Variants in ABTB2 observed in about 807,000 individuals in gnomAD.
ABTB2 encodes ankyrin repeat and BTB/POZ domain-containing protein 2.
A neutral mutation model predicts 104.1 loss-of-function variants in ABTB2; 56 were observed. The ratio of observed to expected loss-of-function variants is 0.54; its 90% CI spans 0.43 to 0.67. The LOEUF (loss-of-function observed/expected upper bound fraction) is 0.67. ABTB2 is among the 30% of genes least tolerant of loss of function. The probability of loss-of-function intolerance (pLI) is 0.00; values close to 1 mark genes in which losing one functional copy is unlikely to be tolerated. For missense variants in ABTB2, 1,279 were observed against 1,407.7 expected (o/e 0.91, Z 1.46); for synonymous variants, 606 against 608.2 (o/e 1.00, Z 0.05).
Position 34,356,359 on chromosome 11 carries a change from C to T in ABTB2, c.883+342G>A, listed in dbSNP as rs1855464348. Among the ~76,000 whole-genome samples, 1 of 152,202 alleles carries T rather than the reference C, an allele frequency of 6.6e-6. No homozygotes were observed. Among genetic ancestry groups the T allele is most frequent in the African/African-American group, 2.4e-5 (1 of 41,438 alleles). On this transcript the variant is annotated intron_variant, in intron 1 of 16. Transcript: ENST00000435224. The surrounding 1 kb of genome is among the most constrained non-coding windows in gnomAD (Gnocchi z 4.6). The stretch of plus-strand genomic sequence containing the variant: ...GACAGCAGCTAGAGACCTAGTCAAT[C>T]ACGGTAAAGAGCCACGGGGCAGTAA...
chr11:34,240,147 G>A (rs2133062609), intron 1 of ABTB2, among the ~76,000 whole-genome samples: 1 of 152,304 alleles, frequency 6.6e-6, no homozygotes, highest in Admixed American at 6.5e-5. Context: ...TCTGAGAACA[G>A]ATGAGAAGAA....
chr11:34,234,575 T>C (rs1467361497), intron 1 of ABTB2, among the ~76,000 whole-genome samples: 1 of 152,216 alleles, frequency 6.6e-6, no homozygotes, highest in Non-Finnish European at 1.5e-5. Flanking sequence ...AAGTCCAGCA[T>C]TGTGAGAACA....
rs374304026 is a variant in ABTB2, at chr11:34,331,002, T to C, written c.883+25699A>G. 6.8e-4 allele frequency among the ~76,000 whole-genome samples: 104 copies of C among 152,348 alleles called. 1 individual carries two copies. The South Asian group carries it at 0.021, about 31-fold the overall frequency. ...AATGAGAAATTTCAGTTGCTGAGCT[T>C]GGCAGCAGAGATTTCCAAGAAATCC... On this transcript the variant is annotated intron_variant, in intron 1 of 16. Transcript: ENST00000435224.
In ABTB2 at chr11:34,204,926, C is replaced by T. The variant is rs140318488; in HGVS notation, c.884-236G>A. 3.6e-4 allele frequency among the ~76,000 whole-genome samples: 55 copies of T among 152,296 alleles called. 1 individual carries two copies. The highest frequency in any genetic ancestry group is 1.3e-3 in the African/African-American group (53 of 41,556). Reference sequence around the variant, plus strand: ...GTGGTTTTAAGCACGTGGAGACCATCGTTTCTTGGAGGTACTCAAGAAACT... The same window carrying T: ...GTGGTTTTAAGCACGTGGAGACCATTGTTTCTTGGAGGTACTCAAGAAACT... On this transcript the variant is annotated intron_variant, in intron 1 of 16. Coordinates refer to ENST00000435224, the MANE Select transcript of ABTB2 (RefSeq NM_145804.3).
intron 1 of ABTB2, among the ~76,000 whole-genome samples, chr11:34,263,808 G>T (rs913756543): frequency 2.0e-5 from 3 of 152,142 alleles, no homozygotes; most frequent in Non-Finnish European, 4.4e-5. Flanking sequence ...AGTGACACAC[G>T]ACACACATCA....
chr11:34,165,034 G>A (rs1852779134), intron 8 of ABTB2, among the ~76,000 whole-genome samples: 2 of 152,232 alleles, frequency 1.3e-5, no homozygotes, highest in African/African-American at 4.8e-5. Context: ...GGTCTCCAGA[G>A]GGAAGGGCCT....
rs765225437 is a variant in ABTB2, at chr11:34,159,363, T to G, written c.2630A>C (p.Lys877Thr). The G allele has an allele frequency of 3.1e-6, 5 of 1,613,828 alleles. No homozygotes were observed. Among genetic ancestry groups the G allele is most frequent in the Non-Finnish European group, 4.2e-6 (5 of 1,179,822 alleles). ...GCTGCTGTCCCCATCCTGTTCTGAT[T>G]TATTGGTCATTAGTGTCTTGAACCT... ...SNRFKTLMTN[K>T]SEQDGDSSKT... The change falls in exon 14 of 17, where the codon AAA (lysine) becomes ACA (threonine). Residue 877 changes from lysine to threonine, a missense_variant. Lys to Thr is a moderately conservative substitution (Grantham distance 78). Transcript: ENST00000435224.
intron 1 of ABTB2, among the ~76,000 whole-genome samples, chr11:34,259,601 T>G (rs1854164375): frequency 6.6e-6 from 1 of 152,166 alleles, no homozygotes; most frequent in South Asian, 2.1e-4. Flanking sequence ...ATCTGTGGGG[T>G]ATCACTGTCT....
intron 1 of ABTB2, among the ~76,000 whole-genome samples, chr11:34,316,886 C>A (rs1055328006): frequency 6.6e-6 from 1 of 152,094 alleles, no homozygotes; most frequent in African/African-American, 2.4e-5. Context: ...ACAGTTCTTA[C>A]CCTGGACACA....
At chr11:34,191,692 T>C (rs1377718021) in intron 3 of ABTB2, among the ~76,000 whole-genome samples, 1 of 151,992 alleles carries the variant, frequency 6.6e-6, no homozygotes. Context: ...AGAAGGGAAG[T>C]GTGGGAAGAA....
At chr11:34,199,822 G>C (rs1346686966) in intron 2 of ABTB2, among the ~76,000 whole-genome samples, 1 of 152,180 alleles carries the variant, frequency 6.6e-6, no homozygotes, top group Non-Finnish European at 1.5e-5. Flanking sequence ...TTAACATCCT[G>C]CTTGGCACAG....
At chr11:34,283,085 T>G (rs1401192098) in intron 1 of ABTB2, among the ~76,000 whole-genome samples, 2 of 150,836 alleles carry the variant, frequency 1.3e-5, no homozygotes, top group Non-Finnish European at 3.0e-5. Context: ...ATTTTTTTTT[T>G]TTTTTTGTAT....
intron 16 of ABTB2, among the ~76,000 whole-genome samples, 161 bp from the exon 17 acceptor site, chr11:34,152,745 T>C (rs1032356962): frequency 2.0e-5 from 3 of 152,180 alleles, no homozygotes; most frequent in Non-Finnish European, 4.4e-5. Context: ...ACCTCTGCTA[T>C]ATCTGAACTG....
chr11:34,197,090 GTTC>G (rs1853267092), intron 3 of ABTB2, among the ~76,000 whole-genome samples: 2 of 152,120 alleles, frequency 1.3e-5, no homozygotes, highest in Non-Finnish European at 2.9e-5. Flanking sequence ...AGAAGCACAC[GTTC>G]TGAGCCTCAG....
intron 1 of ABTB2, among the ~76,000 whole-genome samples, chr11:34,208,748 A>G (rs1853439749): frequency 6.6e-6 from 1 of 151,910 alleles, no homozygotes; most frequent in Non-Finnish European, 1.5e-5. Context: ...GCCCAAGGAG[A>G]GACCTGTGAG....
intron 1 of ABTB2, among the ~76,000 whole-genome samples, chr11:34,260,127 T>G (rs1244745788): frequency 6.6e-6 from 1 of 152,104 alleles, no homozygotes; most frequent in Non-Finnish European, 1.5e-5. Context: ...AAAGAAAATC[T>G]CTGCTAAATG....
At chr11:34,221,027 TG>T (rs1168571289) in intron 1 of ABTB2, among the ~76,000 whole-genome samples, 1 of 152,020 alleles carries the variant, frequency 6.6e-6, no homozygotes. Flanking sequence ...TGGAGTGGAC[TG>T]GTGCGATCTT....
At chr11:34,272,003 G>A (rs181816661) in intron 1 of ABTB2, among the ~76,000 whole-genome samples, 1 of 152,088 alleles carries the variant, frequency 6.6e-6, no homozygotes, top group African/African-American at 2.4e-5. Context: ...TATACCAGGT[G>A]CTTTTTCTGA....
chr11:34,227,640 T>G (rs770713820), intron 1 of ABTB2, among the ~76,000 whole-genome samples: 5 of 152,270 alleles, frequency 3.3e-5, no homozygotes, highest in Non-Finnish European at 5.9e-5. Flanking sequence ...CTGCTAGTCA[T>G]GTACAAGTTT....
Sources: gnomAD v4.1 joint callset for allele counts (sites outside exome capture counted in the v4.1 genomes callset) on GRCh38, gnomAD v4.1.1 for gene constraint, Gnocchi (gnomAD v3.1) non-coding constraint, MANE v1.5 for transcripts, NCBI Gene and HGNC (gene_info 2026-07-23, HGNC 2026-07-21) for gene names.